HIVEP3: variants seen among roughly 807,000 people sequenced by gnomAD.
HIVEP3 encodes HIVEP zinc finger 3, also known as transcription factor HIVEP3.
A neutral mutation model predicts 152.8 loss-of-function variants in HIVEP3; 49 were observed. The ratio of observed to expected loss-of-function variants is 0.32; its 90% CI spans 0.26 to 0.41. HIVEP3 has a LOEUF of 0.41. Among genes scored for constraint, HIVEP3 ranks in the 10% least tolerant of loss-of-function variants. The pLI, the probability that HIVEP3 is intolerant of heterozygous loss-of-function variation, is 1.00. For synonymous variants in HIVEP3, 1,269 were observed against 1,289.0 expected (o/e 0.98, Z 0.33); for missense variants, 2,790 against 3,103.3 (o/e 0.90, Z 2.40).
At chr1:41,777,772 T>C (rs1004880791) in intron 1 of HIVEP3, among the ~76,000 whole-genome samples, 8 of 152,230 alleles carry the variant, frequency 5.3e-5, no homozygotes, top group African/African-American at 1.9e-4. Context: ...TATCAGGCGC[T>C]TTCCTACATC....
intron 1 of HIVEP3, among the ~76,000 whole-genome samples, chr1:41,946,686 G>A (rs1454630603): frequency 6.6e-6 from 1 of 152,116 alleles, no homozygotes; most frequent in East Asian, 1.9e-4. Flanking sequence ...TAATCCTGAA[G>A]TCTGGGCAAT....
At chr1:41,607,738 G>A (rs1176503270) in intron 3 of HIVEP3, among the ~76,000 whole-genome samples, 1 of 152,190 alleles carries the variant, frequency 6.6e-6, no homozygotes, top group Non-Finnish European at 1.5e-5. Flanking sequence ...ACAGGTTCTA[G>A]CTCCTATAAC....
intron 3 of HIVEP3, among the ~76,000 whole-genome samples, chr1:41,625,257 G>A (rs978551459): frequency 6.7e-6 from 1 of 150,256 alleles, no homozygotes; most frequent in South Asian, 2.1e-4. Context: ...ATTAGATATT[G>A]CAGCTGATAA....
chr1:41,896,144 T>C (rs1226895766), intron 1 of HIVEP3, among the ~76,000 whole-genome samples: 2 of 152,180 alleles, frequency 1.3e-5, no homozygotes, highest in African/African-American at 4.8e-5. Context: ...TTACTAGCTC[T>C]GTGACATGTG....
chr1:41,972,588 A>G (rs1296621831), intron 1 of HIVEP3, among the ~76,000 whole-genome samples: 1 of 152,240 alleles, frequency 6.6e-6, no homozygotes, highest in African/African-American at 2.4e-5. Context: ...ACAAGCATCA[A>G]TAAATGCACA....
chr1:41,876,116 G>GTTTTTT (rs67320823), intron 1 of HIVEP3, among the ~76,000 whole-genome samples: 1 of 146,630 alleles, frequency 6.8e-6, no homozygotes. Context: ...AGAGTGTTAA[G>GTTTTTT]TTTTTTTTTT....
rs139003292 is a variant in HIVEP3, at chr1:41,817,907, T to C, written c.-801+100506A>G. Among the ~76,000 whole-genome samples, 7 of 152,202 alleles carry C rather than the reference T, an allele frequency of 4.6e-5. No homozygotes were observed. In the East Asian group the frequency reaches 9.7e-4, roughly 21 times the overall value. On this transcript the variant is annotated intron_variant, in intron 1 of 8. Transcript: ENST00000372583. ...AAAGCAGGTGGGGAGGGAGGAACAC[T>C]ATGGAAAGAGCATGAACTCCTGAGG...
chr1:41,506,732 A>T lies in HIVEP3; in HGVS notation c.*3719T>A, dbSNP rs1209709922. On this transcript the variant is annotated 3_prime_UTR_variant, in exon 9 of 9. Coordinates refer to ENST00000372583, the MANE Select transcript of HIVEP3 (RefSeq NM_024503.5). Reference sequence around the variant, plus strand: ...TACCCCATCCCAGTGCGGTTGCTGTACATATCTACAGTACAATTTTTGGAA... The same window carrying T: ...TACCCCATCCCAGTGCGGTTGCTGTTCATATCTACAGTACAATTTTTGGAA... 1 of 152,134 alleles carries T rather than the reference A, an allele frequency of 6.6e-6. No individual in the cohort carries two copies. The highest frequency in any genetic ancestry group is 1.5e-5 in the Non-Finnish European group (1 of 68,044). The allele number at this position is 152,134 out of a possible 1,614,324, so 9.4% of individuals were successfully genotyped here.
chr1:41,871,289 G>C (rs1644074370), intron 1 of HIVEP3, among the ~76,000 whole-genome samples: 1 of 152,108 alleles, frequency 6.6e-6, no homozygotes, highest in Admixed American at 6.6e-5. Context: ...GGTTTCTCCA[G>C]GACTGGAGTC....
intron 2 of HIVEP3, among the ~76,000 whole-genome samples, chr1:41,654,438 G>A (rs1645600057): frequency 6.6e-6 from 1 of 152,216 alleles, no homozygotes; most frequent in African/African-American, 2.4e-5. Flanking sequence ...TAGTGGAAGT[G>A]TATATGGATT....
intron 1 of HIVEP3, among the ~76,000 whole-genome samples, chr1:41,954,978 T>C (rs74983013): frequency 6.6e-6 from 1 of 150,656 alleles, no homozygotes; most frequent in Non-Finnish European, 1.5e-5. Context: ...TTTTTTTTTT[T>C]CTCTAGTGTT....
chr1:41,898,382 GACA>G (rs1021756657), intron 1 of HIVEP3, among the ~76,000 whole-genome samples: 2 of 152,196 alleles, frequency 1.3e-5, no homozygotes, highest in African/African-American at 4.8e-5. Flanking sequence ...AAGAACTGCT[GACA>G]ACACCCTCAC....
At chr1:41,616,672 C>T (rs1644973327) in intron 3 of HIVEP3, among the ~76,000 whole-genome samples, 2 of 134,036 alleles carry the variant, frequency 1.5e-5, no homozygotes, top group Non-Finnish European at 3.1e-5. Flanking sequence ...AGGCTGGTCT[C>T]AAATTCCTGG....
intron 5 of HIVEP3, among the ~76,000 whole-genome samples, chr1:41,574,096 C>G (rs915676075): frequency 6.6e-6 from 1 of 152,132 alleles, no homozygotes; most frequent in East Asian, 1.9e-4. Flanking sequence ...CGGGCACACA[C>G]AGACTGCTGC....
intron 1 of HIVEP3, among the ~76,000 whole-genome samples, chr1:41,957,660 G>A (rs1438373009): frequency 6.6e-6 from 1 of 152,166 alleles, no homozygotes; most frequent in East Asian, 1.9e-4. Flanking sequence ...TAGTGGAGGA[G>A]GATGATTTCA....
Position 41,644,726 on chromosome 1 carries a change from A to G in HIVEP3, c.-720-15779T>C, listed in dbSNP as rs1645433357. Among the ~76,000 whole-genome samples, 3 of 91,116 alleles carry G rather than the reference A, an allele frequency of 3.3e-5. No homozygotes were observed. The South Asian group carries it at 1.0e-3, about 32-fold the overall frequency. 59.8% of individuals were successfully genotyped at this position (91,116 alleles called of 152,430 possible). A position where few individuals can be genotyped will look rare whatever the true frequency, so the allele number is the denominator to read the frequency against. ...TTTTTTTTTTTTTTTTTGGATGTTA[A>G]CAATTGGGTAAGCTAGGCCTTTATC... On this transcript the variant is annotated intron_variant, in intron 2 of 8. Coordinates refer to ENST00000372583, the MANE Select transcript of HIVEP3 (RefSeq NM_024503.5).
At chr1:41,524,957 G>A in intron 5 of HIVEP3, 47 bp from the exon 6 acceptor site, 3 of 1,564,666 alleles carry the variant, frequency 1.9e-6, no homozygotes, top group Non-Finnish European at 2.6e-6. Flanking sequence ...AGGAGAAGAG[G>A]CAGGTTCCCA....
rs1644394777 is a variant in HIVEP3 at position 41,507,455 on chromosome 1, G to A, written c.*2996C>T. ...CGTGGAGCGCAGGCCTGGGGGGCAA[G>A]GACTCACCAACCAAAGGCAAGGTTT... On this transcript the variant is annotated 3_prime_UTR_variant, in exon 9 of 9. Coordinates refer to ENST00000372583, the MANE Select transcript of HIVEP3 (RefSeq NM_024503.5). The A allele has an allele frequency of 6.6e-6, 1 of 152,406 alleles. No individual in the cohort carries two copies. The highest frequency in any genetic ancestry group is 2.1e-4 in the South Asian group (1 of 4,822). 9.4% of individuals were successfully genotyped at this position (152,406 alleles called of 1,614,324 possible). A position where few individuals can be genotyped will look rare whatever the true frequency, so the allele number is the denominator to read the frequency against.
chr1:41,634,576 AG>A (rs1314480342), intron 2 of HIVEP3, among the ~76,000 whole-genome samples: 2 of 152,178 alleles, frequency 1.3e-5, no homozygotes, highest in African/African-American at 4.8e-5. Context: ...GCTGGATAAA[AG>A]GAAAAAAAAA....
Sources: gnomAD v4.1 joint callset for allele counts (sites outside exome capture counted in the v4.1 genomes callset) on GRCh38, gnomAD v4.1.1 for gene constraint, MANE v1.5 for transcripts, NCBI Gene and HGNC (gene_info 2026-07-23, HGNC 2026-07-21) for gene names.